The following PCDHA3 variants were observed in gnomAD, a reference collection of about 807,000 sequenced individuals.
The protein encoded by PCDHA3 is protocadherin alpha-3.
Under a neutral mutation model 62.2 loss-of-function variants are expected in PCDHA3, and 41 were observed. The observed-to-expected ratio is 0.66, with a 90% CI of 0.51 to 0.86. PCDHA3 has a LOEUF of 0.86. PCDHA3 is among the 40% of genes least tolerant of loss of function. PCDHA3 has a pLI of 0.00. For missense variants in PCDHA3, 1,304 were observed against 1,241.2 expected, an observed-to-expected ratio of 1.05 and a Z score of -0.76; for synonymous variants, 640 against 555.4, an observed-to-expected ratio of 1.15 and a Z score of -2.14.
At chr5:140,923,165 A>G (rs1307354165) in intron 1 of PCDHA3, among the ~76,000 whole-genome samples, 1 of 152,148 alleles carries the variant, frequency 6.6e-6, no homozygotes. Context: ...AGAAAGATAA[A>G]TTTTTGTTCA....
At chr5:140,881,563 T>C (rs894982822) in intron 1 of PCDHA3, among the ~76,000 whole-genome samples, 4 of 152,232 alleles carry the variant, frequency 2.6e-5, no homozygotes, top group Non-Finnish European at 5.9e-5. Flanking sequence ...AAATATCTTA[T>C]CTACATCTCA....
At chr5:141,000,417 A>ATTTTT (rs1563652061) in intron 3 of PCDHA3, among the ~76,000 whole-genome samples, 3 of 77,750 alleles carry the variant, frequency 3.9e-5, no homozygotes, top group Non-Finnish European at 7.0e-5. Flanking sequence ...ATATATATAT[A>ATTTTT]TATATTTTTT....
chr5:140,878,450 A>T (rs2057594535), intron 1 of PCDHA3, among the ~76,000 whole-genome samples: 1 of 152,224 alleles, frequency 6.6e-6, no homozygotes, highest in Non-Finnish European at 1.5e-5. Context: ...TCTTATTTAC[A>T]TGAAATATAA....
intron 1 of PCDHA3, chr5:140,966,281 G>C (rs1261464121): frequency 8.2e-5 from 30 of 366,710 alleles, no homozygotes; most frequent in Non-Finnish European, 1.3e-4. Flanking sequence ...TGGACAGTGG[G>C]GGTAGGGAGA....
chr5:140,821,559 G>C, intron 1 of PCDHA3: 1 of 518,590 alleles, frequency 1.9e-6, no homozygotes, highest in Non-Finnish European at 3.3e-6. Flanking sequence ...ACATGATGTC[G>C]CTGGACACCG....
Position 140,855,945 on chromosome 5 carries a change from C to T in PCDHA3, c.2394+52354C>T, listed in dbSNP as rs187469272. On this transcript the variant is annotated intron_variant, in intron 1 of 3. Transcript: ENST00000522353. ...AGTAGCGTCATTCTGAGATCTCAGC[C>T]ATTTCGATAAAAAATAGATATAAGA... 8 of 1,336,226 alleles carry T rather than the reference C, an allele frequency of 6.0e-6. No individual in the cohort carries two copies. In the Admixed American group the frequency reaches 1.2e-4, roughly 20 times the overall value. 82.8% of individuals were successfully genotyped at this position (1,336,226 alleles called of 1,614,324 possible). A position where few individuals can be genotyped will look rare whatever the true frequency, so the allele number is the denominator to read the frequency against.
chr5:140,940,468 C>A (rs2092618066), intron 1 of PCDHA3, among the ~76,000 whole-genome samples: 1 of 151,866 alleles, frequency 6.6e-6, no homozygotes, highest in African/African-American at 2.4e-5. Flanking sequence ...CTGTTCCCTG[C>A]AATTTTTTTT....
intron 1 of PCDHA3, chr5:140,969,414 G>C: frequency 6.4e-7 from 1 of 1,566,012 alleles, no homozygotes; most frequent in Non-Finnish European, 8.7e-7. Context: ...GCTTTATTGA[G>C]TCATTAACAG....
chr5:140,825,211 T>C (rs2150138594), intron 1 of PCDHA3: 1 of 151,768 alleles, frequency 6.6e-6, no homozygotes, highest in Non-Finnish European at 1.5e-5. Flanking sequence ...ATTACTGAAG[T>C]AGATTTGTTT....
chr5:140,908,329 A>T (rs539575503), intron 1 of PCDHA3, among the ~76,000 whole-genome samples: 140 of 152,214 alleles, frequency 9.2e-4, no homozygotes, highest in African/African-American at 2.7e-3. Flanking sequence ...AGACCATGGG[A>T]ATTTGAGCCA....
intron 1 of PCDHA3, among the ~76,000 whole-genome samples, chr5:140,918,864 A>T (rs1225688566): frequency 6.6e-6 from 1 of 152,180 alleles, no homozygotes; most frequent in Non-Finnish European, 1.5e-5. Flanking sequence ...TGAATCATGA[A>T]CTTTCAAGCC....
At chr5:140,948,856 ATATTACTTCGGGTTTACTTT>A (rs1364138889) in intron 1 of PCDHA3, among the ~76,000 whole-genome samples, 11 of 151,588 alleles carry the variant, frequency 7.3e-5, no homozygotes, top group African/African-American at 2.7e-4. Context: ...TTGCCTTCTT[ATATTACTTCGGGTTTACTTT>A]GCTCTCTTTT....
At chr5:140,836,549 G>T (rs2150263747) in intron 1 of PCDHA3, 2 of 1,613,770 alleles carry the variant, frequency 1.2e-6, no homozygotes, top group South Asian at 2.2e-5. Context: ...CGGCGTTGCG[G>T]TGCTCAGCGC....
Position 140,858,255 on chromosome 5 carries a change from C to T in PCDHA3, c.2394+54664C>T, listed in dbSNP as rs782505724. On this transcript the variant is annotated intron_variant, in intron 1 of 3. Coordinates refer to ENST00000522353, the MANE Select transcript of PCDHA3 (RefSeq NM_018906.3). ...GGCGCATGTGGGCCGGTGAAGCCCA[C>T]GCTGGTGTGCTCTAGCGCGGTGGGG... The T allele has an allele frequency of 1.9e-6, 3 of 1,596,960 alleles. No individual in the cohort carries two copies. In the South Asian group the frequency reaches 3.3e-5, roughly 18 times the overall value.
chr5:140,840,328 T>C lies in PCDHA3; in HGVS notation c.2394+36737T>C, dbSNP rs2150305844. ...TTTTAACTTTGGTCGACTCATTTTCTAGGCAATGTTAGGGTATACAGGTAA... is the reference window on the plus strand; with the variant it reads ...TTTTAACTTTGGTCGACTCATTTTCCAGGCAATGTTAGGGTATACAGGTAA... On this transcript the variant is annotated intron_variant, in intron 1 of 3. Transcript: ENST00000522353. Among the ~76,000 whole-genome samples, 12 of 152,150 alleles carry C rather than the reference T, an allele frequency of 7.9e-5. No individual in the cohort carries two copies. The South Asian group carries it at 2.5e-3, about 32-fold the overall frequency.
chr5:140,827,868 ACT>A (rs1769434817), intron 1 of PCDHA3: 2 of 620,094 alleles, frequency 3.2e-6, no homozygotes, highest in Non-Finnish European at 2.8e-6. Context: ...ATGGTATAGC[ACT>A]GTTACGTGAA....
intron 3 of PCDHA3, among the ~76,000 whole-genome samples, chr5:140,986,222 G>A (rs1554247822): frequency 1.3e-5 from 2 of 152,164 alleles, no homozygotes; most frequent in African/African-American, 4.8e-5. Flanking sequence ...CCTTTCTCTA[G>A]CCTCCCCTCT....
chr5:140,833,524 A>G (rs1772501533), intron 1 of PCDHA3, among the ~76,000 whole-genome samples: 1 of 152,220 alleles, frequency 6.6e-6, no homozygotes, highest in South Asian at 2.1e-4. Context: ...TATTCATAAC[A>G]CACAAGTGTT....
rs2150124960 is a variant in PCDHA3 at position 140,823,354 on chromosome 5, G to C, written c.2394+19763G>C. ...GCTGCAGCCGCTGGACCACGAGGAA[G>C]TGGAGCTGCTGCAGTTCCAGGTGAG... On this transcript the variant is annotated intron_variant, in intron 1 of 3. Coordinates refer to ENST00000522353, the MANE Select transcript of PCDHA3 (RefSeq NM_018906.3). 30 of 1,612,450 alleles carry C rather than the reference G, an allele frequency of 1.9e-5. No individual in the cohort carries two copies. In the African/African-American group the frequency reaches 2.8e-4, roughly 15 times the overall value.
Sources: gnomAD v4.1 joint callset for allele counts (sites outside exome capture counted in the v4.1 genomes callset) on GRCh38, gnomAD v4.1.1 for gene constraint, MANE v1.5 for transcripts, NCBI Gene and HGNC (gene_info 2026-07-23, HGNC 2026-07-21) for gene names.